The following ZBTB40 variants were observed in gnomAD, a reference collection of about 807,000 sequenced individuals.
ZBTB40 encodes the protein zinc finger and BTB domain containing 40.
In ZBTB40, 60 loss-of-function variants were observed where a neutral mutation model predicts 117.5. The observed-to-expected ratio is 0.51, with a 90% CI of 0.41 to 0.63. The LOEUF is 0.63. ZBTB40 is among the 30% of genes least tolerant of loss of function. The pLI, the probability that ZBTB40 is intolerant of heterozygous loss-of-function variation, is 0.00. For missense variants in ZBTB40, 1,287 were observed against 1,498.5 expected, an observed-to-expected ratio of 0.86 and a Z score of 2.33; for synonymous variants, 525 against 577.1, an observed-to-expected ratio of 0.91 and a Z score of 1.29.
chr1:22,493,169 A>T (rs1638679184), intron 3 of ZBTB40, among the ~76,000 whole-genome samples: 1 of 152,142 alleles, frequency 6.6e-6, no homozygotes, highest in Non-Finnish European at 1.5e-5. Flanking sequence ...TTCTTGTTCT[A>T]ATCTTTTGAT....
At chr1:22,482,317 TAAAC>T (rs1190846661) in intron 1 of ZBTB40, among the ~76,000 whole-genome samples, 1 of 152,186 alleles carries the variant, frequency 6.6e-6, no homozygotes, top group East Asian at 1.9e-4. Context: ...TTTTAATTAA[TAAAC>T]TATTTTTTTA....
intron 1 of ZBTB40, among the ~76,000 whole-genome samples, chr1:22,433,029 AACC>A (rs1223255168): frequency 1.3e-5 from 2 of 152,212 alleles, no homozygotes; most frequent in African/African-American, 2.4e-5. Flanking sequence ...TTGTAAAGTT[AACC>A]ATGCAGTCAG....
chr1:22,451,485 G>GA (rs1423803707), upstream of ZBTB40, among the ~76,000 whole-genome samples: 1 of 148,836 alleles, frequency 6.7e-6, no homozygotes, highest in South Asian at 2.1e-4. Context: ...AAATAGAAGA[G>GA]AAAAAAAAAA....
At chr1:22,453,710 C>T (rs1418106583) in intron 1 of ZBTB40, among the ~76,000 whole-genome samples, 1 of 152,140 alleles carries the variant, frequency 6.6e-6, no homozygotes, top group Non-Finnish European at 1.5e-5. Flanking sequence ...GAGAGATGTT[C>T]GAGGTTACAT....
At chr1:22,454,935 T>G (rs1640970775) in intron 1 of ZBTB40, among the ~76,000 whole-genome samples, 1 of 152,224 alleles carries the variant, frequency 6.6e-6, no homozygotes, top group Non-Finnish European at 1.5e-5. Context: ...AGAAATACAT[T>G]ACAGACAAAA....
chr1:22,518,595 T>C (rs541724369), intron 13 of ZBTB40, among the ~76,000 whole-genome samples: 2 of 152,284 alleles, frequency 1.3e-5, no homozygotes, highest in South Asian at 4.1e-4. Context: ...AGATACAGTG[T>C]CTCACAAGTG....
At chr1:22,489,833 C>A in intron 1 of ZBTB40, 47 bp from the exon 2 acceptor site, 1 of 954,496 alleles carries the variant, frequency 1.0e-6, no homozygotes, top group Non-Finnish European at 1.7e-6. Context: ...AGGCCTTTCC[C>A]TATGGTTTTT....
intron 1 of ZBTB40, among the ~76,000 whole-genome samples, chr1:22,445,576 G>A (rs185915837): frequency 9.0e-4 from 137 of 152,216 alleles, no homozygotes; most frequent in African/African-American, 3.2e-3. Context: ...ACAAAAAACC[G>A]GCCAGGCACG....
At chr1:22,504,982 C>T (rs1639039774) in intron 5 of ZBTB40, among the ~76,000 whole-genome samples, 1 of 152,046 alleles carries the variant, frequency 6.6e-6, no homozygotes, top group South Asian at 2.1e-4. Flanking sequence ...ATATATTAGA[C>T]CTTAAAGAGA....
intron 16 of ZBTB40, 118 bp from the exon 17 acceptor site, chr1:22,524,100 C>G: frequency 1.0e-6 from 1 of 959,206 alleles, no homozygotes; most frequent in Non-Finnish European, 1.6e-6. Context: ...AATGTGGATC[C>G]GCCTCCAAGC....
intron 1 of ZBTB40, among the ~76,000 whole-genome samples, chr1:22,455,060 A>G (rs939446763): frequency 2.0e-5 from 3 of 152,226 alleles, no homozygotes; most frequent in African/African-American, 7.2e-5. Context: ...ACTTTTCCAA[A>G]TGGCATCTAA....
intron 1 of ZBTB40, among the ~76,000 whole-genome samples, chr1:22,481,049 C>A (rs888483947): frequency 5.3e-5 from 8 of 152,128 alleles, no homozygotes; most frequent in African/African-American, 1.7e-4. Context: ...GTTTGAAACC[C>A]CTGTAGGCCA....
intron 1 of ZBTB40, among the ~76,000 whole-genome samples, chr1:22,456,930 T>C (rs1261247685): frequency 6.6e-6 from 1 of 152,244 alleles, no homozygotes; most frequent in Non-Finnish European, 1.5e-5. Flanking sequence ...CATCAGCTTC[T>C]TGCAGATGGA....
intron 1 of ZBTB40, among the ~76,000 whole-genome samples, chr1:22,440,557 C>T (rs1402398913): frequency 6.6e-6 from 1 of 152,042 alleles, no homozygotes; most frequent in African/African-American, 2.4e-5. Context: ...GTTCCTGATC[C>T]TAAGGAAGAG....
intron 1 of ZBTB40, among the ~76,000 whole-genome samples, chr1:22,453,420 T>C (rs188532565): frequency 6.6e-6 from 1 of 152,312 alleles, no homozygotes; most frequent in Admixed American, 6.5e-5. Context: ...AATACAGTGG[T>C]GAACAAGACA....
intron 1 of ZBTB40, among the ~76,000 whole-genome samples, chr1:22,435,072 C>G (rs1379565353): frequency 1.4e-5 from 2 of 145,052 alleles, no homozygotes; most frequent in African/African-American, 5.2e-5. Flanking sequence ...GTGATCTCGG[C>G]TCACTGCAAC....
chr1:22,461,936 G>A (rs190313482), intron 1 of ZBTB40, among the ~76,000 whole-genome samples: 11 of 152,240 alleles, frequency 7.2e-5, no homozygotes, highest in Admixed American at 3.3e-4. Context: ...CAGCCTTGGG[G>A]TCACACTGGG....
chr1:22,520,096 A>T lies in ZBTB40; in HGVS notation c.2869A>T (p.Met957Leu), dbSNP rs1344427470. ...EDPYDCKKCR[M>L]SFPTLQDHRK... ...TCCTTATGACTGCAAGAAGTGCAGG[A>T]TGAGTTTCCCCACTCTTCAGGATCA... The change falls in exon 14 of 18, where the codon ATG becomes TTG. Residue 957 changes from methionine to leucine, a missense_variant. Coordinates refer to ENST00000375647, the MANE Select transcript of ZBTB40 (RefSeq NM_014870.4). 6.2e-7 allele frequency: 1 copy of T among 1,614,082 alleles called. No homozygotes were observed. The highest frequency in any genetic ancestry group is 1.7e-5 in the Admixed American group (1 of 60,000).
At chr1:22,455,085 A>G (rs1010850851) in intron 1 of ZBTB40, among the ~76,000 whole-genome samples, 4 of 152,198 alleles carry the variant, frequency 2.6e-5, no homozygotes, top group Non-Finnish European at 5.9e-5. Flanking sequence ...TTTAAAGCCA[A>G]ATTGTACAGC....
Sources: allele counts gnomAD v4.1 joint callset (sites outside exome capture counted in the v4.1 genomes callset), GRCh38; gene constraint gnomAD v4.1.1; transcripts MANE v1.5; gene names NCBI Gene and HGNC (gene_info 2026-07-23, HGNC 2026-07-21).